Variants in CORO2A observed in about 807,000 individuals in gnomAD.
The protein encoded by CORO2A is coronin-2A.
In CORO2A, 47 loss-of-function variants were observed where a neutral mutation model predicts 62.4. That is an observed-to-expected ratio of 0.75 (90% CI 0.60 to 0.96). The LOEUF is 0.96. CORO2A is among the 40% of genes least tolerant of loss of function. CORO2A has a pLI of 0.00. For synonymous variants in CORO2A, 273 were observed against 268.9 expected (o/e 1.02, Z -0.15); for missense variants, 610 against 684.1 (o/e 0.89, Z 1.21).
At chr9:98,192,126 G>A (rs1245160065) in intron 1 of CORO2A, among the ~76,000 whole-genome samples, 1 of 152,222 alleles carries the variant, frequency 6.6e-6, no homozygotes, top group Non-Finnish European at 1.5e-5. Flanking sequence ...GGCCCAGCAG[G>A]TAACGCAGCC....
chr9:98,149,954 G>T (rs1262318835), intron 2 of CORO2A, among the ~76,000 whole-genome samples: 1 of 150,076 alleles, frequency 6.7e-6, no homozygotes, highest in African/African-American at 2.5e-5. Context: ...TTTTGAGAGA[G>T]TCTCGCACTG....
intron 1 of CORO2A, among the ~76,000 whole-genome samples, chr9:98,189,080 C>T (rs1355853535): frequency 2.6e-5 from 4 of 152,120 alleles, no homozygotes; most frequent in South Asian, 2.1e-4. Flanking sequence ...AGGAGCACAC[C>T]GCTCTTTAAA....
At position 98,126,676 on chromosome 9, in the gene CORO2A, C is replaced by A. The variant is rs1281516536; in HGVS notation, c.1319G>T (p.Arg440Met). 5 of 1,614,120 alleles carry A rather than the reference C, an allele frequency of 3.1e-6. No homozygotes were observed. The highest frequency in any genetic ancestry group is 4.2e-6 in the Non-Finnish European group (5 of 1,180,056). The change falls in exon 11 of 12, where the codon AGG becomes ATG. Residue 440 changes from arginine to methionine, a missense_variant. Arg to Met is a moderately conservative substitution (Grantham distance 91). Coordinates refer to ENST00000375077, the MANE Select transcript of CORO2A (RefSeq NM_052820.4). Reference sequence around the variant, plus strand: ...CTTCTCCTCCAACAGGGAGGAAGACCTCCAGCCATCTTCTGCAGCCAGCTT... The same window carrying A: ...CTTCTCCTCCAACAGGGAGGAAGACATCCAGCCATCTTCTGCAGCCAGCTT... Reference protein sequence around the residue: ...TEKLAAEDGWRSSSLLEEKMP... With the variant: ...TEKLAAEDGWMSSSLLEEKMP...
chr9:98,166,347 GA>G (rs539965235), intron 1 of CORO2A, among the ~76,000 whole-genome samples: 1 of 151,492 alleles, frequency 6.6e-6, no homozygotes, highest in Non-Finnish European at 1.5e-5. Flanking sequence ...GGCAACAAAA[GA>G]AAAAAAATAG....
chr9:98,158,280 TA>T (rs58330261), intron 1 of CORO2A, among the ~76,000 whole-genome samples: 39,797 of 149,650 alleles, frequency 0.27, 6,609 homozygotes, highest in African/African-American at 0.47. Flanking sequence ...ACCCTGTCTC[TA>T]AAAAAAAAAT....
In CORO2A at chr9:98,159,925, A is replaced by T. The variant is rs151021966; in HGVS notation, c.1-2265T>A. On this transcript the variant is annotated intron_variant, in intron 1 of 11. Transcript: ENST00000375077. ...GCTGGTCAAGATAAAGAAGATGCTC[A>T]CCCAGCCCACACGGCTGACCCATGA... 2.9e-3 allele frequency among the ~76,000 whole-genome samples: 439 copies of T among 152,218 alleles called. 1 individual carries two copies. Among genetic ancestry groups the T allele is most frequent in the African/African-American group, 9.7e-3 (401 of 41,530 alleles).
chr9:98,130,892 A>G, intron 7 of CORO2A, 63 bp downstream of exon 7: 1 of 1,372,558 alleles, frequency 7.3e-7, no homozygotes. Context: ...CAATGGCCCC[A>G]GGCTGCTGTC....
At chr9:98,171,244 C>T (rs894730264) in intron 1 of CORO2A, among the ~76,000 whole-genome samples, 1 of 152,326 alleles carries the variant, frequency 6.6e-6, no homozygotes, top group Non-Finnish European at 1.5e-5. Context: ...CCTTGCTTAG[C>T]GTCCCACAGT....
chr9:98,142,451 T>C (rs1304227497), intron 2 of CORO2A, among the ~76,000 whole-genome samples: 2 of 152,306 alleles, frequency 1.3e-5, no homozygotes, highest in East Asian at 3.9e-4. Context: ...CTTTCCTTTC[T>C]CTGGGATCAT....
chr9:98,137,505 C>T (rs1029798608), intron 3 of CORO2A, 67 bp downstream of exon 3: 10 of 1,304,816 alleles, frequency 7.7e-6, no homozygotes, highest in Admixed American at 5.0e-5. Flanking sequence ...GAACAGGTAC[C>T]ATTCCACCCC....
chr9:98,171,820 G>A (rs528240218), intron 1 of CORO2A, among the ~76,000 whole-genome samples: 30 of 152,114 alleles, frequency 2.0e-4, no homozygotes, highest in African/African-American at 7.0e-4. Context: ...GCTGGGAGAG[G>A]TGCTGGGGGC....
intron 1 of CORO2A, among the ~76,000 whole-genome samples, chr9:98,188,973 A>G (rs1828273366): frequency 6.6e-6 from 1 of 152,174 alleles, no homozygotes. Flanking sequence ...TGATTCTTCA[A>G]AGTGAGGCTC....
Position 98,124,703 on chromosome 9 carries a change from G to A in CORO2A, c.*71C>T. 7.1e-7 allele frequency: 1 copy of A among 1,403,942 alleles called. No homozygotes were observed. Among genetic ancestry groups the A allele is most frequent in the Admixed American group, 2.6e-5 (1 of 38,426 alleles). 87.0% of individuals were successfully genotyped at this position (1,403,942 alleles called of 1,614,324 possible). A position where few individuals can be genotyped will look rare whatever the true frequency, so the allele number is the denominator to read the frequency against. On this transcript the variant is annotated 3_prime_UTR_variant, in exon 12 of 12. Transcript: ENST00000375077. ...ATAGTGGTTGTCCTTGAGGGGACTTGTGGTTTGGTTCTAAACCTCCCCATG... is the reference window on the plus strand; with the variant it reads ...ATAGTGGTTGTCCTTGAGGGGACTTATGGTTTGGTTCTAAACCTCCCCATG...
At chr9:98,187,927 T>C (rs2181581) in intron 1 of CORO2A, among the ~76,000 whole-genome samples, 98,449 of 152,118 alleles carry the variant, frequency 0.65, 32,972 homozygotes, top group African/African-American at 0.84. Context: ...CAATAAGCCA[T>C]GTAACTTTTC....
intron 1 of CORO2A, among the ~76,000 whole-genome samples, chr9:98,183,360 T>C (rs944535727): frequency 6.6e-6 from 1 of 152,210 alleles, no homozygotes; most frequent in African/African-American, 2.4e-5. Flanking sequence ...TCCTCCAGTG[T>C]GACTCCATCA....
chr9:98,129,949 TCAGCAACC>T, intron 7 of CORO2A, 59 bp from the exon 8 acceptor site: 1 of 1,336,086 alleles, frequency 7.5e-7, no homozygotes, highest in Non-Finnish European at 1.1e-6. Flanking sequence ...CATCAGCTCA[TCAGCAACC>T]CAGCCATGCA....
At position 98,154,329 on chromosome 9, in the gene CORO2A, G is replaced by GTATATA. The variant is rs61422672; in HGVS notation, c.201+3125_201+3130dup. Among the ~76,000 whole-genome samples, 308 of 88,962 alleles carry GTATATA rather than the reference G, an allele frequency of 3.5e-3. 1 individual carries two copies. The highest frequency in any genetic ancestry group is 3.6e-3 in the Non-Finnish European group (169 of 47,514). The allele number at this position is 88,962 out of a possible 152,430, so 58.4% of individuals were successfully genotyped here. A position where few individuals can be genotyped will look rare whatever the true frequency, so the allele number is the denominator to read the frequency against. Reference sequence around the variant, plus strand: ...TAGAGTCTTTCTTATGTGTTTGTGTGTATATATATATATATATATATATAC... The same window carrying GTATATA: ...TAGAGTCTTTCTTATGTGTTTGTGTGTATATATATATATATATATATATATATATAC... On this transcript the variant is annotated intron_variant, in intron 2 of 11. Transcript: ENST00000375077.
intron 2 of CORO2A, among the ~76,000 whole-genome samples, chr9:98,139,178 T>G (rs1827533875): frequency 6.6e-6 from 1 of 152,064 alleles, no homozygotes; most frequent in Non-Finnish European, 1.5e-5. Context: ...GGTGTCTTTT[T>G]GGAGTGACAA....
intron 2 of CORO2A, among the ~76,000 whole-genome samples, chr9:98,138,814 C>A (rs146505000): frequency 6.6e-6 from 1 of 151,876 alleles, no homozygotes; most frequent in Non-Finnish European, 1.5e-5. Context: ...TTTGGGGGGC[C>A]GAGGCGGGTG....
Sources: allele counts gnomAD v4.1 joint callset (sites outside exome capture counted in the v4.1 genomes callset), GRCh38; gene constraint gnomAD v4.1.1; transcripts MANE v1.5; gene names NCBI Gene and HGNC (gene_info 2026-07-23, HGNC 2026-07-21).